PPFIA2: variants seen among roughly 807,000 people sequenced by gnomAD.
PPFIA2 encodes PPFI scaffold protein A2.
PPFIA2 carries 46 observed loss-of-function variants against 175.5 expected under a neutral mutation model. That is an observed-to-expected ratio of 0.26 (90% confidence interval 0.21 to 0.34). The LOEUF (loss-of-function observed/expected upper bound fraction) is 0.34, where lower values mean the gene tolerates loss of function less well. Ranked by LOEUF, PPFIA2 falls within the 10% of genes least tolerant of loss-of-function variation. PPFIA2 has a pLI of 1.00. For missense variants in PPFIA2, 1,179 were observed against 1,506.1 expected (o/e 0.78, Z 3.60); for synonymous variants, 568 against 511.4 (o/e 1.11, Z -1.49).
chr12:81,546,933 C>A (rs1187324797), intron 4 of PPFIA2, among the ~76,000 whole-genome samples: 3 of 151,192 alleles, frequency 2.0e-5, no homozygotes, highest in African/African-American at 7.2e-5. Context: ...TACCTGTCTT[C>A]TTCTCTAATA....
intron 4 of PPFIA2, among the ~76,000 whole-genome samples, chr12:81,514,171 T>TC (rs942828673): frequency 4.6e-5 from 7 of 151,646 alleles, no homozygotes; most frequent in South Asian, 2.1e-4. Context: ...CCAGTCAAGT[T>TC]CCCCCCCTGA....
chr12:81,264,752 G>T (rs2036684441), intron 30 of PPFIA2, among the ~76,000 whole-genome samples: 1 of 152,088 alleles, frequency 6.6e-6, no homozygotes, highest in South Asian at 2.1e-4. Context: ...TTTCAGTGTG[G>T]TAGCCATTTT....
At chr12:81,353,450 A>C (rs1451743708) in intron 16 of PPFIA2, 111 bp from the exon 17 acceptor site, 1 of 693,966 alleles carries the variant, frequency 1.4e-6, no homozygotes, top group Non-Finnish European at 2.5e-6. Context: ...GACCTTGCAA[A>C]AACTGAACCA....
chr12:81,650,060 A>G (rs1163313960), intron 4 of PPFIA2, among the ~76,000 whole-genome samples: 1 of 151,094 alleles, frequency 6.6e-6, no homozygotes, highest in African/African-American at 2.4e-5. Context: ...CCCAGGCTGG[A>G]GTGCAGTGGT....
intron 4 of PPFIA2, among the ~76,000 whole-genome samples, chr12:81,464,927 G>T (rs2055327868): frequency 6.6e-6 from 1 of 150,996 alleles, no homozygotes; most frequent in South Asian, 2.1e-4. Context: ...CATTTCAGAT[G>T]GTATGCTTAC....
intron 1 of PPFIA2, among the ~76,000 whole-genome samples, chr12:81,758,857 T>C (rs1349904179): frequency 6.6e-6 from 1 of 151,412 alleles, no homozygotes; most frequent in African/African-American, 2.4e-5. Flanking sequence ...GCGGCGCCGC[T>C]CCCCCTCCGC....
rs183874212 is a variant in PPFIA2 at position 81,436,999 on chromosome 12, G to T, written c.645+2973C>A. Among the ~76,000 whole-genome samples, 5 of 152,250 alleles carry T rather than the reference G, an allele frequency of 3.3e-5. No homozygotes were observed. In the East Asian group the frequency reaches 9.6e-4, roughly 29 times the overall value. The stretch of plus-strand genomic sequence containing the variant: ...TTTTAAGCAAAACAAATGGCATTCA[G>T]AAAAGTCTGCAGTAGATACACAGGA... On this transcript the variant is annotated intron_variant, in intron 7 of 32. Transcript: ENST00000549396.
intron 22 of PPFIA2, among the ~76,000 whole-genome samples, chr12:81,321,200 T>C (rs1369117009): frequency 6.6e-6 from 1 of 152,134 alleles, no homozygotes; most frequent in Non-Finnish European, 1.5e-5. Context: ...AATAGTTATA[T>C]GTTTCAGGCA....
intron 25 of PPFIA2, 77 bp from the exon 26 acceptor site, chr12:81,283,116 T>C: frequency 7.4e-7 from 1 of 1,356,240 alleles, no homozygotes; most frequent in Non-Finnish European, 1.0e-6. Context: ...AAAATTTTTC[T>C]AGCAGAAGCA....
chr12:81,564,983 T>C (rs2070978016), intron 4 of PPFIA2, among the ~76,000 whole-genome samples: 1 of 152,142 alleles, frequency 6.6e-6, no homozygotes, highest in African/African-American at 2.4e-5. Context: ...ACTGTTAAAG[T>C]GAGGGCATTG....
intron 3 of PPFIA2, among the ~76,000 whole-genome samples, chr12:81,751,905 A>C (rs1169017695): frequency 6.6e-6 from 1 of 152,190 alleles, no homozygotes; most frequent in East Asian, 1.9e-4. Context: ...ATTTTTAAGT[A>C]AAATAGTCAC....
At chr12:81,318,004 C>G (rs184023032) in intron 22 of PPFIA2, among the ~76,000 whole-genome samples, 9 of 151,728 alleles carry the variant, frequency 5.9e-5, no homozygotes, top group African/African-American at 2.2e-4. Flanking sequence ...TTCTTCCTAC[C>G]TCTGTGATTG....
At chr12:81,589,414 A>AT (rs2058417279) in intron 4 of PPFIA2, among the ~76,000 whole-genome samples, 2 of 152,100 alleles carry the variant, frequency 1.3e-5, no homozygotes, top group Admixed American at 6.6e-5. Flanking sequence ...ATATAAGTTT[A>AT]TTGGAAATTT....
chr12:81,352,430 T>C (rs781004855), intron 17 of PPFIA2, among the ~76,000 whole-genome samples: 12 of 151,120 alleles, frequency 7.9e-5, no homozygotes, highest in Non-Finnish European at 1.5e-4. Flanking sequence ...TATATTAATG[T>C]TCTATCTCTC....
chr12:81,274,247 C>T (rs1046343851), intron 28 of PPFIA2, among the ~76,000 whole-genome samples: 11 of 152,150 alleles, frequency 7.2e-5, no homozygotes, highest in Admixed American at 7.2e-4. Flanking sequence ...CGTGACAATG[C>T]TCTCAATAAT....
chr12:81,752,575 A>G (rs1373514442), intron 3 of PPFIA2, among the ~76,000 whole-genome samples: 1 of 152,168 alleles, frequency 6.6e-6, no homozygotes, highest in African/African-American at 2.4e-5. Flanking sequence ...AACGAAAAGG[A>G]CTAGAATGGC....
intron 3 of PPFIA2, among the ~76,000 whole-genome samples, chr12:81,736,098 G>GTAT (rs2081543273): frequency 6.6e-6 from 1 of 151,702 alleles, no homozygotes; most frequent in Non-Finnish European, 1.5e-5. Flanking sequence ...ATCCCTTCCT[G>GTAT]TATAAAAGGC....
intron 4 of PPFIA2, among the ~76,000 whole-genome samples, chr12:81,576,857 G>A (rs181121407): frequency 7.6e-4 from 116 of 151,718 alleles, no homozygotes; most frequent in African/African-American, 2.8e-3. Context: ...TTTGGAGGGA[G>A]GGATTGGTAA....
intron 7 of PPFIA2, among the ~76,000 whole-genome samples, chr12:81,423,028 G>C (rs2046563225): frequency 6.6e-6 from 1 of 152,078 alleles, no homozygotes; most frequent in Non-Finnish European, 1.5e-5. Flanking sequence ...AGCCAAGAAG[G>C]AATGGGTAAA....
Sources: gnomAD v4.1 joint callset for allele counts (sites outside exome capture counted in the v4.1 genomes callset) on GRCh38, gnomAD v4.1.1 for gene constraint, MANE v1.5 for transcripts, NCBI Gene and HGNC (gene_info 2026-07-23, HGNC 2026-07-21) for gene names.